The following CEMIP2 variants were observed in gnomAD, a reference collection of about 807,000 sequenced individuals.
CEMIP2 encodes the protein cell surface hyaluronidase CEMIP2.
In CEMIP2, 79 loss-of-function variants were observed where a neutral mutation model predicts 146.9. The observed-to-expected ratio is 0.54, with a 90% CI of 0.45 to 0.65. CEMIP2 has a LOEUF of 0.65. Ranked by LOEUF, CEMIP2 falls within the 30% of genes least tolerant of loss-of-function variation. The pLI is 0.00. For synonymous variants in CEMIP2, 601 were observed against 606.3 expected (o/e 0.99, Z 0.13); for missense variants, 1,596 against 1,696.2 (o/e 0.94, Z 1.04).
Position 71,745,097 on chromosome 9 carries a change from C to T in CEMIP2, c.955G>A (p.Ala319Thr). Reference protein sequence around the residue: ...IVAIAVGDSAAKSLLQGTIQM... With the variant: ...IVAIAVGDSATKSLLQGTIQM... ...ATGGTTCCTTGTAAGAGACTTTTAGCGGCTGAATCCCCGACAGCTATGGCA... is the reference window on the plus strand; with the variant it reads ...ATGGTTCCTTGTAAGAGACTTTTAGTGGCTGAATCCCCGACAGCTATGGCA... The change falls in exon 4 of 24, where the codon GCT becomes ACT. Residue 319 changes from alanine to threonine, a missense_variant. By Grantham distance (58) the Ala-to-Thr change is moderately conservative (BLOSUM62 0). Coordinates refer to ENST00000377044, the MANE Select transcript of CEMIP2 (RefSeq NM_013390.3). 4.3e-6 allele frequency: 7 copies of T among 1,614,116 alleles called. No homozygotes were observed. Among genetic ancestry groups the T allele is most frequent in the Non-Finnish European group, 5.9e-6 (7 of 1,180,008 alleles).
chr9:71,704,751 T>C lies in CEMIP2; in HGVS notation c.3038A>G (p.Asp1013Gly), dbSNP rs1822684879. 1.2e-6 allele frequency: 2 copies of C among 1,613,988 alleles called. No homozygotes were observed. Among genetic ancestry groups the C allele is most frequent in the Non-Finnish European group, 1.7e-6 (2 of 1,180,024 alleles). The change falls in exon 18 of 24, where the codon GAT becomes GGT. Residue 1013 changes from aspartate (D) to glycine (G), a missense_variant. By Grantham distance (94) the Asp-to-Gly change is moderately conservative. Transcript: ENST00000377044. ...TQNLSMTITR[D>G]EYPSNPMVLR... ...CACCATAGGGTTGGACGGATACTCA[T>C]CTCGTGTAATGGTCATAGAAAGATT...
rs1823497873 is a variant in CEMIP2 at position 71,728,291 on chromosome 9, A to ATATATATATATATATATATG, written c.2049+1553_2049+1554insCATATATATATATATATATA. 1.2e-4 allele frequency among the ~76,000 whole-genome samples: 2 copies of ATATATATATATATATATATG among 17,382 alleles called. 1 individual carries two copies. Among genetic ancestry groups the ATATATATATATATATATATG allele is most frequent in the African/African-American group, 2.2e-4 (2 of 9,172 alleles). 11.4% of individuals were successfully genotyped at this position (17,382 alleles called of 152,430 possible). On this transcript the variant is annotated intron_variant, in intron 10 of 23. Coordinates refer to ENST00000377044, the MANE Select transcript of CEMIP2 (RefSeq NM_013390.3). ...TATATATATATATATGTATATATAT[A>ATATATATATATATATATATG]TATATATATACATATATATATATAT...
Position 71,730,913 on chromosome 9 carries a change from A to G in CEMIP2, c.1565T>C (p.Ile522Thr). 1 of 1,613,998 alleles carries G rather than the reference A, an allele frequency of 6.2e-7. No homozygotes were observed. Among genetic ancestry groups the G allele is most frequent in the Non-Finnish European group, 8.5e-7 (1 of 1,179,836 alleles). Reference sequence around the variant, plus strand: ...ATGGACTGAAGTAAAATTTTTCATTATCTGTAAGTCAAGGTACTAAAATCA... The same window carrying G: ...ATGGACTGAAGTAAAATTTTTCATTGTCTGTAAGTCAAGGTACTAAAATCA... ...DYDTFGGHIM[I>T]MKNFTSVHLS... Residue 522 changes from isoleucine to threonine, a missense_variant and splice_region_variant, in exon 8 of 24, where the codon ATA (isoleucine) becomes ACA (threonine). By Grantham distance (89) the Ile-to-Thr change is moderately conservative. Coordinates refer to ENST00000377044, the MANE Select transcript of CEMIP2 (RefSeq NM_013390.3).
chr9:71,725,270 G>A (rs919918698), intron 11 of CEMIP2, among the ~76,000 whole-genome samples: 9 of 152,134 alleles, frequency 5.9e-5, no homozygotes, highest in African/African-American at 1.7e-4. Context: ...TAACGGATTC[G>A]CCCTCTTGAA....
chr9:71,685,620 C>A, intron 23 of CEMIP2, 123 bp downstream of exon 23: 3 of 896,262 alleles, frequency 3.3e-6, no homozygotes, highest in Non-Finnish European at 5.1e-6. Context: ...ATTTAGAAAT[C>A]ATCTTAATGA....
Position 71,709,460 on chromosome 9 carries a change from G to C in CEMIP2, c.2784C>G (p.Val928=). Residue 928 remains valine, a synonymous_variant, in exon 17 of 24, where the codon GTC becomes GTG. Transcript: ENST00000377044. ...VKFGPHVSLN[V]FFGKPGPWFE... is the part of the protein sequence containing the mutation. ...ACCAGGGACCAGGCTTTCCAAAAAA[G>C]ACATTCAGAGAGACCTGACCACAGT... 1 of 1,614,096 alleles carries C rather than the reference G, an allele frequency of 6.2e-7. No individual in the cohort carries two copies. The highest frequency in any genetic ancestry group is 8.5e-7 in the Non-Finnish European group (1 of 1,179,994).
At chr9:71,740,042 G>C (rs371298455) in intron 5 of CEMIP2, 21 bp downstream of exon 5, 18 of 1,608,644 alleles carry the variant, frequency 1.1e-5, no homozygotes, top group Non-Finnish European at 1.2e-5. Flanking sequence ...TCTTACAAGA[G>C]TATAAACTCT....
chr9:71,684,355 T>C lies in CEMIP2; in HGVS notation c.*842A>G, dbSNP rs1821992717. On this transcript the variant is annotated 3_prime_UTR_variant, in exon 24 of 24. Transcript: ENST00000377044. ...AAGTTAAAATGATACAAGTTTACGGTTCAGGAAAACAACCTACTTCTTAAA... is the reference window on the plus strand; with the variant it reads ...AAGTTAAAATGATACAAGTTTACGGCTCAGGAAAACAACCTACTTCTTAAA... 6.6e-6 allele frequency: 1 copy of C among 152,564 alleles called. No homozygotes were observed. The highest frequency in any genetic ancestry group is 2.4e-5 in the African/African-American group (1 of 41,426). 9.5% of individuals were successfully genotyped at this position (152,564 alleles called of 1,614,324 possible). A position where few individuals can be genotyped will look rare whatever the true frequency, so the allele number is the denominator to read the frequency against.
rs1822010644 is a variant in CEMIP2 at position 71,685,000 on chromosome 9, G to A, written c.*197C>T. On this transcript the variant is annotated 3_prime_UTR_variant, in exon 24 of 24. Transcript: ENST00000377044. ...CACCAGCCTTACAAATACAAACAAC[G>A]TCTTTAACATTTTGTACAACTAGAA... 4 of 504,332 alleles carry A rather than the reference G, an allele frequency of 7.9e-6. No individual in the cohort carries two copies. Among genetic ancestry groups the A allele is most frequent in the Admixed American group, 3.6e-5 (1 of 27,432 alleles). The allele number at this position is 504,332 out of a possible 1,614,324, so 31.2% of individuals were successfully genotyped here.
chr9:71,685,297 T>A lies in CEMIP2; in HGVS notation c.4052A>T (p.Gln1351Leu). Residue 1351 changes from glutamine to leucine, a missense_variant, in exon 24 of 24, where the codon CAA (glutamine) becomes CTA (leucine). Gln to Leu is a moderately radical substitution (Grantham distance 113, BLOSUM62 -2). Coordinates refer to ENST00000377044, the MANE Select transcript of CEMIP2 (RefSeq NM_013390.3). ...TTCGTCCAGCTGCAAAGGTATGAAT[T>A]GTTCAAGCACCCCAAGGCCCTGTCC... ...PAGQGLGVLE[Q>L]FIPLQLDEYG... 6.2e-7 allele frequency: 1 copy of A among 1,612,692 alleles called. No individual in the cohort carries two copies. The highest frequency in any genetic ancestry group is 1.3e-5 in the African/African-American group (1 of 74,550).
In CEMIP2 at chr9:71,747,294, G is replaced by A. The variant is rs1294865651; in HGVS notation, c.332-953C>T. Among the ~76,000 whole-genome samples the A allele has an allele frequency of 2.0e-5, 3 of 152,140 alleles. No homozygotes were observed. The East Asian group carries it at 5.8e-4, about 29-fold the overall frequency. Reference sequence around the variant, plus strand: ...TAGAATCAGCTCACATTTCCTCAGAGTTTATATGCAAGCTTTGGAGGGAAA... The same window carrying A: ...TAGAATCAGCTCACATTTCCTCAGAATTTATATGCAAGCTTTGGAGGGAAA... On this transcript the variant is annotated intron_variant, in intron 2 of 23. Transcript: ENST00000377044.
intron 22 of CEMIP2, among the ~76,000 whole-genome samples, chr9:71,688,572 G>T (rs1221018299): frequency 6.6e-6 from 1 of 151,790 alleles, no homozygotes. Context: ...ATTTTTAGTA[G>T]AGATGAGGTT....
rs376517987 is a variant in CEMIP2, at chr9:71,696,580, G to A, written c.3597+1405C>T. ...GAGGTCAGGAGTTAGAGACTGGCCT[G>A]GGCGATATGGCAAAACCCCATCTCT... On this transcript the variant is annotated intron_variant, in intron 20 of 23. Transcript: ENST00000377044. Among the ~76,000 whole-genome samples, 9 of 152,128 alleles carry A rather than the reference G, an allele frequency of 5.9e-5. No homozygotes were observed. The South Asian group carries it at 1.7e-3, about 28-fold the overall frequency.
intron 5 of CEMIP2, among the ~76,000 whole-genome samples, chr9:71,738,836 CA>C (rs575313448): frequency 3.4e-5 from 5 of 145,404 alleles, no homozygotes; most frequent in African/African-American, 5.1e-5. Context: ...GACTCCGTCT[CA>C]AAAAAAAAAG....
chr9:71,715,235 T>G, intron 14 of CEMIP2, 146 bp from the exon 15 acceptor site: 3 of 425,896 alleles, frequency 7.0e-6, no homozygotes, highest in Non-Finnish European at 3.9e-6. Flanking sequence ...CTTCAGAAAC[T>G]GCTTTTTTTT....
chr9:71,696,409 T>C (rs576246549), intron 20 of CEMIP2, among the ~76,000 whole-genome samples: 2 of 151,852 alleles, frequency 1.3e-5, no homozygotes, highest in East Asian at 3.9e-4. Context: ...TTGATTTTAC[T>C]TGTATGAGAG....
chr9:71,707,483 A>G (rs763378438), intron 17 of CEMIP2, among the ~76,000 whole-genome samples: 48 of 152,192 alleles, frequency 3.2e-4, no homozygotes, highest in Non-Finnish European at 6.8e-4. Flanking sequence ...AAGGATCTAA[A>G]CTTTTTAAGT....
chr9:71,754,027 A>G (rs1329628827), intron 1 of CEMIP2, among the ~76,000 whole-genome samples: 5 of 152,126 alleles, frequency 3.3e-5, no homozygotes, highest in Non-Finnish European at 7.3e-5. Context: ...GATCACTTGG[A>G]CACAGGGCAG....
At chr9:71,745,664 A>C in intron 3 of CEMIP2, 85 bp from the exon 4 acceptor site, 2 of 1,343,628 alleles carry the variant, frequency 1.5e-6, no homozygotes, top group Non-Finnish European at 2.0e-6. Context: ...AGTTAAATAC[A>C]CTTCCGCAAT....
Sources: allele counts gnomAD v4.1 joint callset (sites outside exome capture counted in the v4.1 genomes callset), GRCh38; gene constraint gnomAD v4.1.1; transcripts MANE v1.5; gene names NCBI Gene and HGNC (gene_info 2026-07-23, HGNC 2026-07-21).